Variants in PHF24 observed in about 807,000 individuals in gnomAD.
PHF24 encodes the protein PHD finger protein 24, also known as Galpha inhibitory interacting protein.
In PHF24, 25 loss-of-function variants were observed where a neutral mutation model predicts 42.6. The observed-to-expected ratio is 0.59, with a 90% CI of 0.43 to 0.82. The LOEUF is 0.82. Ranked by LOEUF, PHF24 falls within the 40% of genes least tolerant of loss-of-function variation. The pLI, the probability that PHF24 is intolerant of heterozygous loss-of-function variation, is 0.00. For synonymous variants in PHF24, 185 were observed against 204.8 expected (o/e 0.90, Z 0.83); for missense variants, 470 against 538.1 (o/e 0.87, Z 1.25).
At chr9:34,872,718 A>C in the PHF24 span, among the ~76,000 whole-genome samples, 18 of 149,690 alleles carry the variant, frequency 1.2e-4, no homozygotes, top group African/African-American at 4.4e-4. Flanking sequence ...TTGGGTATAT[A>C]CCCAGTAATG....
the PHF24 span, among the ~76,000 whole-genome samples, chr9:34,862,868 T>C: frequency 6.6e-6 from 1 of 151,862 alleles, no homozygotes; most frequent in African/African-American, 2.4e-5. Context: ...AGGCCTTGGT[T>C]CTTAGATGGC....
the PHF24 span, among the ~76,000 whole-genome samples, chr9:34,731,373 T>C: frequency 6.6e-6 from 1 of 152,248 alleles, no homozygotes; most frequent in Admixed American, 6.5e-5. Context: ...CTAGGTCTTA[T>C]TTATTCTATC....
chr9:34,679,356 TTGA>T, the PHF24 span, among the ~76,000 whole-genome samples: 6 of 152,252 alleles, frequency 3.9e-5, no homozygotes, highest in Non-Finnish European at 7.3e-5. Context: ...TGGAGAGTTC[TTGA>T]TGACCGTTGA....
chr9:34,910,551 A>T, the PHF24 span, among the ~76,000 whole-genome samples: 7 of 152,250 alleles, frequency 4.6e-5, no homozygotes, highest in Non-Finnish European at 1.0e-4. Flanking sequence ...AACAACATAC[A>T]TGATAAACAT....
the PHF24 span, among the ~76,000 whole-genome samples, chr9:34,902,546 C>T: frequency 6.6e-6 from 1 of 152,062 alleles, no homozygotes; most frequent in Non-Finnish European, 1.5e-5. Flanking sequence ...CTACGCAACT[C>T]AGGAGGCTGA....
upstream of PHF24, among the ~76,000 whole-genome samples, chr9:34,957,983 G>A (rs1383810322): frequency 1.3e-5 from 2 of 151,378 alleles, no homozygotes; most frequent in Non-Finnish European, 3.0e-5. Flanking sequence ...CTCGTGGGGG[G>A]CGCCCACGGG....
chr9:34,762,734 G>T, the PHF24 span, among the ~76,000 whole-genome samples: 1 of 151,776 alleles, frequency 6.6e-6, no homozygotes, highest in Non-Finnish European at 1.5e-5. Context: ...GGCTTTTGTT[G>T]CCATTGCTTT....
the PHF24 span, among the ~76,000 whole-genome samples, chr9:34,828,905 A>G: frequency 6.6e-6 from 1 of 151,200 alleles, no homozygotes; most frequent in Admixed American, 6.6e-5. Context: ...ATCCAGTTGC[A>G]TGGTTTTATC....
chr9:34,758,929 G>A, the PHF24 span, among the ~76,000 whole-genome samples: 3 of 152,040 alleles, frequency 2.0e-5, no homozygotes, highest in South Asian at 2.1e-4. This position sits in a 1 kb window ranked among gnomAD's most constrained non-coding sequence, Gnocchi z 4.4. Context: ...CCAATCTGGC[G>A]AGGGAGGTGG....
At chr9:34,696,629 G>T in the PHF24 span, among the ~76,000 whole-genome samples, 2 of 152,166 alleles carry the variant, frequency 1.3e-5, no homozygotes, top group African/African-American at 4.8e-5. Flanking sequence ...TCATGTATGA[G>T]TGATGATGCC....
chr9:34,718,290 C>T, the PHF24 span, among the ~76,000 whole-genome samples: 10 of 152,178 alleles, frequency 6.6e-5, no homozygotes, highest in African/African-American at 9.7e-5. Context: ...ACTCACCCCT[C>T]CTTCTGGAAA....
the PHF24 span, among the ~76,000 whole-genome samples, chr9:34,684,790 C>A: frequency 1.3e-5 from 2 of 152,086 alleles, no homozygotes; most frequent in Admixed American, 6.5e-5. Flanking sequence ...GATCAAAAGC[C>A]CTAGGAGATC....
chr9:34,687,495 A>C, the PHF24 span, among the ~76,000 whole-genome samples: 1 of 152,092 alleles, frequency 6.6e-6, no homozygotes, highest in Non-Finnish European at 1.5e-5. Context: ...CCAGAGTCAC[A>C]CAATGAGTGG....
At chr9:34,731,436 C>T in the PHF24 span, among the ~76,000 whole-genome samples, 553 of 152,276 alleles carry the variant, frequency 3.6e-3, 4 homozygotes, top group African/African-American at 0.012. Context: ...ACCCAAACCC[C>T]CACACCTCAC....
At chr9:34,839,872 G>C in the PHF24 span, among the ~76,000 whole-genome samples, 2 of 152,212 alleles carry the variant, frequency 1.3e-5, no homozygotes, top group South Asian at 2.1e-4. Context: ...TGCATGGAGG[G>C]GATCAGTTTG....
At chr9:34,936,458 A>G in the PHF24 span, among the ~76,000 whole-genome samples, 84,278 of 151,446 alleles carry the variant, frequency 0.56, 24,973 homozygotes, top group East Asian at 0.82. Flanking sequence ...GCCTCCCAAA[A>G]TGCCGAGATT....
the PHF24 span, chr9:34,922,533 G>A: frequency 9.9e-7 from 1 of 1,012,570 alleles, no homozygotes; most frequent in South Asian, 1.3e-5. Flanking sequence ...GGCAACCTCA[G>A]CCAAGTAATG....
chr9:34,677,552 A>G, the PHF24 span, among the ~76,000 whole-genome samples: 10 of 151,872 alleles, frequency 6.6e-5, no homozygotes, highest in East Asian at 1.7e-3. Context: ...GCCCGCCACC[A>G]CGCCTGGCTA....
chr9:34,759,385 CCT>C, the PHF24 span, among the ~76,000 whole-genome samples: 2 of 152,234 alleles, frequency 1.3e-5, no homozygotes, highest in Non-Finnish European at 1.5e-5. Context: ...TTGTTTTTTC[CCT>C]CTTTTCCTGA....
Sources: allele counts gnomAD v4.1 joint callset (sites outside exome capture counted in the v4.1 genomes callset), GRCh38; gene constraint gnomAD v4.1.1; non-coding constraint Gnocchi (gnomAD v3.1); transcripts MANE v1.5; gene names NCBI Gene and HGNC (gene_info 2026-07-23, HGNC 2026-07-21).